KSR2: variants seen among roughly 807,000 people sequenced by gnomAD.
KSR2 encodes kinase suppressor of ras 2.
A neutral mutation model predicts 107.8 loss-of-function variants in KSR2; 25 were observed. The ratio of observed to expected loss-of-function variants is 0.23; its 90% confidence interval spans 0.17 to 0.32. The LOEUF (loss-of-function observed/expected upper bound fraction) is 0.32. KSR2 is among the 10% of genes least tolerant of loss of function. The probability of loss-of-function intolerance (pLI) is 1.00; values close to 1 mark genes in which losing one functional copy is unlikely to be tolerated. For synonymous variants in KSR2, 480 were observed against 507.0 expected, an observed-to-expected ratio of 0.95 and a Z score of 0.71; for missense variants, 887 against 1,268.9, an observed-to-expected ratio of 0.70 and a Z score of 4.57.
chr12:117,802,936 A>G (rs1285277561), intron 3 of KSR2, among the ~76,000 whole-genome samples: 1 of 152,222 alleles, frequency 6.6e-6, no homozygotes, highest in African/African-American at 2.4e-5. Flanking sequence ...AGGCTTCATT[A>G]CTGTGCCTCG....
At chr12:117,769,629 ACAGT>A (rs1476874090) in intron 3 of KSR2, among the ~76,000 whole-genome samples, 2 of 152,200 alleles carry the variant, frequency 1.3e-5, no homozygotes, top group Admixed American at 6.5e-5. Flanking sequence ...TCCCTAGCAC[ACAGT>A]CAATGTTGTA....
At chr12:117,720,849 A>C (rs997563731) in intron 4 of KSR2, among the ~76,000 whole-genome samples, 4 of 152,176 alleles carry the variant, frequency 2.6e-5, no homozygotes, top group African/African-American at 4.8e-5. Flanking sequence ...AATTACAAGG[A>C]GGAAAGGAAC....
At chr12:117,962,147 T>TAAA (rs36119176) in intron 1 of KSR2, among the ~76,000 whole-genome samples, 1 of 112,448 alleles carries the variant, frequency 8.9e-6, no homozygotes, top group Admixed American at 1.0e-4. Flanking sequence ...CCTGTCTCTT[T>TAAA]AAAAAAAAAA....
chr12:117,913,865 G>C (rs961379722), intron 1 of KSR2, among the ~76,000 whole-genome samples: 18 of 152,104 alleles, frequency 1.2e-4, no homozygotes, highest in Non-Finnish European at 4.4e-5. Flanking sequence ...TGGAGTCTCG[G>C]GACCCGCCGG....
intron 18 of KSR2, among the ~76,000 whole-genome samples, chr12:117,470,271 T>G (rs2137113056): frequency 6.6e-6 from 1 of 151,100 alleles, no homozygotes; most frequent in African/African-American, 2.4e-5. Context: ...CAATTCACTC[T>G]TCCATCCTTC....
chr12:117,825,989 G>T (rs1193394799), intron 3 of KSR2, among the ~76,000 whole-genome samples: 1 of 150,140 alleles, frequency 6.7e-6, no homozygotes, highest in African/African-American at 2.5e-5. Flanking sequence ...GTGAACAGGT[G>T]GGTGGATGGG....
chr12:117,865,677 G>C (rs1593318953), intron 1 of KSR2, among the ~76,000 whole-genome samples: 1 of 151,952 alleles, frequency 6.6e-6, no homozygotes, highest in Non-Finnish European at 1.5e-5. Context: ...AAACAAAAGA[G>C]GTAATATCAA....
chr12:117,701,991 C>T (rs1404637899), intron 4 of KSR2, among the ~76,000 whole-genome samples: 1 of 152,224 alleles, frequency 6.6e-6, no homozygotes, highest in Non-Finnish European at 1.5e-5. Context: ...GAAACTAATA[C>T]TGCTTCCAAG....
At chr12:117,961,317 G>A (rs190379784) in intron 1 of KSR2, among the ~76,000 whole-genome samples, 91 of 152,184 alleles carry the variant, frequency 6.0e-4, no homozygotes, top group African/African-American at 1.9e-3. Context: ...AGAATGGCCC[G>A]CCACCTGCAA....
rs892168958 is a variant in KSR2, at chr12:117,456,899, T to G, written c.*10300A>C. On this transcript the variant is annotated 3_prime_UTR_variant, in exon 20 of 20. Coordinates refer to ENST00000339824, the MANE Select transcript of KSR2 (RefSeq NM_173598.6). ...GCCATTCTAACCCGGCCTGACTCTC[T>G]TCTTCACAGTGAACTGGGAATTGCA... The G allele has an allele frequency of 2.0e-5, 3 of 152,268 alleles. No individual in the cohort carries two copies. The highest frequency in any genetic ancestry group is 4.4e-5 in the Non-Finnish European group (3 of 68,078). The allele number at this position is 152,268 out of a possible 1,614,324, so 9.4% of individuals were successfully genotyped here.
rs184485894 is a variant in KSR2 at position 117,836,234 on chromosome 12, A to C, written c.472+19194T>G. 1.2e-3 allele frequency among the ~76,000 whole-genome samples: 189 copies of C among 152,082 alleles called. 4 individuals carry two copies. Among genetic ancestry groups the C allele is most frequent in the Admixed American group, 1.0e-3 (16 of 15,266 alleles). ...GGGCCTGATGGAAGTCACAGGCAAC[A>C]CCCTCAACTGTCGGTACCCATCATG... On this transcript the variant is annotated intron_variant, in intron 3 of 19. Transcript: ENST00000339824.
At position 117,464,408 on chromosome 12, in the gene KSR2, T is replaced by C. The variant is rs1476881800; in HGVS notation, c.*2791A>G. 2 of 152,234 alleles carry C rather than the reference T, an allele frequency of 1.3e-5. No homozygotes were observed. Among genetic ancestry groups the C allele is most frequent in the East Asian group, 1.9e-4 (1 of 5,194 alleles). 9.4% of individuals were successfully genotyped at this position (152,234 alleles called of 1,614,324 possible). A position where few individuals can be genotyped will look rare whatever the true frequency, so the allele number is the denominator to read the frequency against. On this transcript the variant is annotated 3_prime_UTR_variant, in exon 20 of 20. Transcript: ENST00000339824. Reference sequence around the variant, plus strand: ...TGGGACAAGGGCAAACACACAAATCTTGGTCGTGTCATTGTATAGAATGAG... The same window carrying C: ...TGGGACAAGGGCAAACACACAAATCCTGGTCGTGTCATTGTATAGAATGAG...
At chr12:117,904,382 A>G (rs945171777) in intron 1 of KSR2, among the ~76,000 whole-genome samples, 2 of 152,238 alleles carry the variant, frequency 1.3e-5, no homozygotes, top group African/African-American at 4.8e-5. Context: ...GCCAGTTCTC[A>G]GCCAACCAGG....
chr12:117,774,115 C>A (rs765572361), intron 3 of KSR2, among the ~76,000 whole-genome samples: 9 of 152,090 alleles, frequency 5.9e-5, no homozygotes, highest in Non-Finnish European at 1.3e-4. Context: ...AAATGAGAGA[C>A]CCGTCCAGAA....
intron 1 of KSR2, among the ~76,000 whole-genome samples, chr12:117,862,020 T>G (rs1033671046): frequency 2.0e-5 from 3 of 152,070 alleles, no homozygotes; most frequent in African/African-American, 7.2e-5. Flanking sequence ...TACATTTTTT[T>G]GTATGCATTC....
At chr12:117,775,440 C>A (rs1051930001) in intron 3 of KSR2, among the ~76,000 whole-genome samples, 1 of 152,224 alleles carries the variant, frequency 6.6e-6, no homozygotes, top group African/African-American at 2.4e-5. Context: ...TGGGCTTTTG[C>A]AGCATCTCCT....
At chr12:117,644,133 G>A (rs954989853) in intron 5 of KSR2, among the ~76,000 whole-genome samples, 6 of 152,198 alleles carry the variant, frequency 3.9e-5, no homozygotes, top group Admixed American at 6.5e-5. Flanking sequence ...GGGCTGAGCA[G>A]CTGCCTTGGT....
At chr12:117,938,179 G>A (rs932773928) in intron 1 of KSR2, among the ~76,000 whole-genome samples, 3 of 152,224 alleles carry the variant, frequency 2.0e-5, no homozygotes, top group African/African-American at 4.8e-5. Context: ...GATCCACGAC[G>A]TGAAGGCATG....
At chr12:117,506,591 C>A (rs1034594793) in intron 14 of KSR2, among the ~76,000 whole-genome samples, 7 of 152,128 alleles carry the variant, frequency 4.6e-5, no homozygotes, top group African/African-American at 1.7e-4. Context: ...GCATAGCTGC[C>A]AAGACCACAC....
Sources: allele counts gnomAD v4.1 joint callset (sites outside exome capture counted in the v4.1 genomes callset), GRCh38; gene constraint gnomAD v4.1.1; transcripts MANE v1.5; gene names NCBI Gene and HGNC (gene_info 2026-07-23, HGNC 2026-07-21).